Variants in PDE10A observed in about 807,000 individuals in gnomAD.
PDE10A encodes the protein cAMP and cAMP-inhibited cGMP 3',5'-cyclic phosphodiesterase 10A.
In PDE10A, 39 loss-of-function variants were observed where a neutral mutation model predicts 97.7. That is an observed-to-expected ratio of 0.40 (90% CI 0.31 to 0.52). PDE10A has a LOEUF of 0.52. Among genes scored for constraint, PDE10A ranks in the 20% least tolerant of loss-of-function variants. The pLI, the probability that PDE10A is intolerant of heterozygous loss-of-function variation, is 0.56. For missense variants in PDE10A, 731 were observed against 1,047.8 expected (o/e 0.70, Z 4.17); for synonymous variants, 371 against 376.8 (o/e 0.98, Z 0.18).
chr6:165,843,075 AG>A (rs1160588657), intron 1 of PDE10A, among the ~76,000 whole-genome samples: 2 of 152,232 alleles, frequency 1.3e-5, no homozygotes, highest in Admixed American at 1.3e-4. Context: ...CGCTGTGCTC[AG>A]CCCACCTGAC....
chr6:165,856,502 A>G (rs1448835741), intron 1 of PDE10A, among the ~76,000 whole-genome samples: 7 of 152,208 alleles, frequency 4.6e-5, no homozygotes, highest in Admixed American at 4.6e-4. Context: ...TCGTCCATGA[A>G]GGCTTTGTGA....
chr6:165,928,386 G>A (rs903383492), intron 1 of PDE10A, among the ~76,000 whole-genome samples: 6 of 152,184 alleles, frequency 3.9e-5, no homozygotes, highest in African/African-American at 9.7e-5. Flanking sequence ...TCAGTCTTAC[G>A]TGGTTTCTGC....
intron 1 of PDE10A, among the ~76,000 whole-genome samples, chr6:165,866,267 T>C (rs1583209266): frequency 6.6e-6 from 1 of 152,012 alleles, no homozygotes; most frequent in Non-Finnish European, 1.5e-5. Flanking sequence ...AATCAGGATG[T>C]GTAAAACAAA....
At chr6:165,964,409 C>A (rs530992218) in intron 1 of PDE10A, among the ~76,000 whole-genome samples, 33 of 152,276 alleles carry the variant, frequency 2.2e-4, no homozygotes, top group Admixed American at 1.6e-3. Context: ...AATTGTTTTT[C>A]TCCTGTTCTC....
At chr6:165,959,419 G>A (rs1470147619) in intron 1 of PDE10A, among the ~76,000 whole-genome samples, 1 of 152,144 alleles carries the variant, frequency 6.6e-6, no homozygotes, top group African/African-American at 2.4e-5. Flanking sequence ...GAAAAGTCAT[G>A]GTGTTTGGCC....
At chr6:165,735,990 G>T (rs2128452222) in intron 1 of PDE10A, among the ~76,000 whole-genome samples, 1 of 152,304 alleles carries the variant, frequency 6.6e-6, no homozygotes, top group South Asian at 2.1e-4. Flanking sequence ...TATCTTCAAA[G>T]TTGTGAGGAA....
chr6:165,951,120 T>C (rs544255088), intron 1 of PDE10A, among the ~76,000 whole-genome samples: 1 of 152,204 alleles, frequency 6.6e-6, no homozygotes, highest in Non-Finnish European at 1.5e-5. Context: ...TAAGCCACAC[T>C]GTTTAGGGAT....
chr6:165,834,421 G>A (rs1423016257), intron 1 of PDE10A, among the ~76,000 whole-genome samples: 1 of 152,214 alleles, frequency 6.6e-6, no homozygotes, highest in African/African-American at 2.4e-5. Flanking sequence ...GTGGCCGGGT[G>A]GCTGAGCTGG....
At chr6:165,398,957 T>C (rs1786411550) in intron 13 of PDE10A, among the ~76,000 whole-genome samples, 3 of 152,050 alleles carry the variant, frequency 2.0e-5, no homozygotes, top group Admixed American at 2.0e-4. Context: ...TATAAAGACA[T>C]AGAGTAAAAT....
chr6:165,911,816 A>G (rs1188526823), intron 1 of PDE10A, among the ~76,000 whole-genome samples: 2 of 152,160 alleles, frequency 1.3e-5, no homozygotes, highest in Admixed American at 1.3e-4. Context: ...GCACAGAGCC[A>G]GCACCCAAAA....
chr6:165,852,743 A>G (rs2128475086), intron 1 of PDE10A, among the ~76,000 whole-genome samples: 1 of 152,276 alleles, frequency 6.6e-6, no homozygotes, highest in South Asian at 2.1e-4. Context: ...GGTGAGATAC[A>G]GCTGCAGCTG....
intron 13 of PDE10A, among the ~76,000 whole-genome samples, chr6:165,401,679 T>C (rs488341): frequency 0.18 from 28,024 of 152,096 alleles, 3,082 homozygotes; most frequent in African/African-American, 0.3. Flanking sequence ...TTTAGAAGCA[T>C]AGGCTGGACA....
At chr6:165,720,128 A>T (rs1374287142) in intron 1 of PDE10A, among the ~76,000 whole-genome samples, 1 of 152,274 alleles carries the variant, frequency 6.6e-6, no homozygotes, top group African/African-American at 2.4e-5. Flanking sequence ...TAAATTTCTG[A>T]AACAGCAGAA....
At chr6:165,422,971 T>C (rs1788829619) in intron 10 of PDE10A, among the ~76,000 whole-genome samples, 2 of 152,158 alleles carry the variant, frequency 1.3e-5, no homozygotes, top group Non-Finnish European at 2.9e-5. Flanking sequence ...GCTTCATTTA[T>C]TATCTTGTTG....
upstream of PDE10A, among the ~76,000 whole-genome samples, chr6:165,667,124 C>T (rs1322775526): frequency 1.3e-5 from 2 of 152,202 alleles, no homozygotes; most frequent in African/African-American, 4.8e-5. Flanking sequence ...AGGGGACAGC[C>T]TTGAAAACAG....
chr6:165,933,650 G>A (rs1783219381), intron 1 of PDE10A, among the ~76,000 whole-genome samples: 3 of 152,186 alleles, frequency 2.0e-5, no homozygotes, highest in African/African-American at 7.2e-5. Flanking sequence ...CCTGGTTAAA[G>A]AATTGTCAGC....
intron 1 of PDE10A, among the ~76,000 whole-genome samples, chr6:165,851,916 C>T (rs966414037): frequency 6.6e-6 from 1 of 152,040 alleles, no homozygotes; most frequent in East Asian, 1.9e-4. Flanking sequence ...CATGCTGAAA[C>T]CCCATCTCTA....
At chr6:165,832,483 G>C (rs139702289) in intron 1 of PDE10A, among the ~76,000 whole-genome samples, 1 of 152,088 alleles carries the variant, frequency 6.6e-6, no homozygotes, top group Non-Finnish European at 1.5e-5. Context: ...CATTGAGTGG[G>C]GACCTCATTT....
chr6:165,474,392 G>A (rs1779178494), intron 3 of PDE10A, among the ~76,000 whole-genome samples: 1 of 152,210 alleles, frequency 6.6e-6, no homozygotes, highest in Non-Finnish European at 1.5e-5. Flanking sequence ...AGACACTCCT[G>A]TGTGAAATCA....
Sources: gnomAD v4.1 joint callset for allele counts (sites outside exome capture counted in the v4.1 genomes callset) on GRCh38, gnomAD v4.1.1 for gene constraint, MANE v1.5 for transcripts, NCBI Gene and HGNC (gene_info 2026-07-23, HGNC 2026-07-21) for gene names.